L3MBTL4: variants seen among roughly 807,000 people sequenced by gnomAD.
The protein encoded by L3MBTL4 is L3MBTL histone methyl-lysine binding protein 4.
In L3MBTL4, 70 loss-of-function variants were observed where a neutral mutation model predicts 84.5. The observed-to-expected ratio is 0.83, with a 90% CI of 0.68 to 1.01. The LOEUF is 1.01. L3MBTL4 is among the 50% of genes least tolerant of loss of function. The probability of loss-of-function intolerance (pLI) is 0.00; values close to 1 mark genes in which losing one functional copy is unlikely to be tolerated. For synonymous variants in L3MBTL4, 274 were observed against 259.8 expected (o/e 1.05, Z -0.52); for missense variants, 715 against 754.8 (o/e 0.95, Z 0.62).
At chr18:5,957,442 C>A (rs750618277) in intron 18 of L3MBTL4, among the ~76,000 whole-genome samples, 1 of 152,010 alleles carries the variant, frequency 6.6e-6, no homozygotes, top group African/African-American at 2.4e-5. Context: ...CCGAGACTCA[C>A]AGGATGGCAG....
intron 1 of L3MBTL4, among the ~76,000 whole-genome samples, chr18:6,338,152 AAAG>A (rs1169427014): frequency 6.6e-6 from 1 of 152,062 alleles, no homozygotes; most frequent in East Asian, 1.9e-4. Flanking sequence ...AACCATACTA[AAAG>A]AAGAAGAAAA....
chr18:6,046,390 T>C (rs1017016343), intron 16 of L3MBTL4, among the ~76,000 whole-genome samples: 1 of 152,216 alleles, frequency 6.6e-6, no homozygotes, highest in East Asian at 1.9e-4. Context: ...TTGAATTTGA[T>C]AGTTGACCAA....
At chr18:6,032,735 G>A (rs73376094) in intron 16 of L3MBTL4, among the ~76,000 whole-genome samples, 291 of 152,128 alleles carry the variant, frequency 1.9e-3, no homozygotes, top group African/African-American at 6.7e-3. Flanking sequence ...GCCCTGGCAA[G>A]CCCCACTCTA....
intron 4 of L3MBTL4, among the ~76,000 whole-genome samples, chr18:6,267,971 T>C (rs343254): frequency 0.12 from 18,931 of 152,152 alleles, 3,853 homozygotes; most frequent in African/African-American, 0.42. Context: ...CATGTTGTTT[T>C]ATTTTTCACA....
chr18:6,231,297 G>C (rs1387417497), intron 10 of L3MBTL4, among the ~76,000 whole-genome samples: 1 of 152,062 alleles, frequency 6.6e-6, no homozygotes, highest in Non-Finnish European at 1.5e-5. Context: ...TCTGTATATG[G>C]CTAGCCATCT....
chr18:6,040,554 A>C (rs2056354969), intron 16 of L3MBTL4, among the ~76,000 whole-genome samples: 1 of 152,236 alleles, frequency 6.6e-6, no homozygotes, highest in African/African-American at 2.4e-5. Context: ...CTGTATATAC[A>C]AAGATAAATA....
At chr18:6,395,391 G>A (rs1388992509) in intron 1 of L3MBTL4, 3 of 152,050 alleles carry the variant, frequency 2.0e-5, no homozygotes, top group African/African-American at 7.2e-5. Context: ...TTCACGAAAT[G>A]TTCTGGCTTC....
At chr18:6,041,673 A>C (rs1381727961) in intron 16 of L3MBTL4, among the ~76,000 whole-genome samples, 1 of 151,892 alleles carries the variant, frequency 6.6e-6, no homozygotes, top group African/African-American at 2.4e-5. Context: ...GCCACACTAT[A>C]TACCCTTGCT....
intron 1 of L3MBTL4, among the ~76,000 whole-genome samples, chr18:6,391,752 A>AACAACAACAACTACTACTACT (rs1555755552): frequency 6.7e-6 from 1 of 150,006 alleles, no homozygotes; most frequent in African/African-American, 2.5e-5. Context: ...CAACAACAAC[A>AACAACAACAACTACTACTACT]ACTACTACTA....
chr18:6,398,276 T>C (rs184358332), intron 1 of L3MBTL4, among the ~76,000 whole-genome samples: 13 of 152,276 alleles, frequency 8.5e-5, no homozygotes, highest in African/African-American at 2.6e-4. Context: ...CTTCAGATAC[T>C]GAGTGTTAAG....
chr18:6,210,232 G>C (rs546045196), intron 12 of L3MBTL4, among the ~76,000 whole-genome samples: 1 of 152,164 alleles, frequency 6.6e-6, no homozygotes, highest in Non-Finnish European at 1.5e-5. Context: ...GTCTTTAGTG[G>C]ATCTGCTGCG....
chr18:6,003,386 G>A (rs2054317466), intron 16 of L3MBTL4, among the ~76,000 whole-genome samples: 1 of 151,438 alleles, frequency 6.6e-6, no homozygotes, highest in Admixed American at 6.6e-5. Flanking sequence ...ATCTAATAAA[G>A]GACTCTCAGA....
chr18:6,164,611 C>A (rs908268110), intron 13 of L3MBTL4, among the ~76,000 whole-genome samples: 1 of 152,190 alleles, frequency 6.6e-6, no homozygotes, highest in Non-Finnish European at 1.5e-5. Flanking sequence ...AGACTTGCAG[C>A]TGAGGGTCCT....
At chr18:6,028,375 G>T (rs1371383076) in intron 16 of L3MBTL4, among the ~76,000 whole-genome samples, 1 of 152,108 alleles carries the variant, frequency 6.6e-6, no homozygotes, top group African/African-American at 2.4e-5. Flanking sequence ...TGAGGTCTCT[G>T]CTCTGTTCCA....
chr18:6,249,377 T>A (rs1468280886), intron 5 of L3MBTL4, among the ~76,000 whole-genome samples: 1 of 152,212 alleles, frequency 6.6e-6, no homozygotes, highest in African/African-American at 2.4e-5. Context: ...TTGAGCAAAC[T>A]ATACTGTCTT....
intron 5 of L3MBTL4, among the ~76,000 whole-genome samples, chr18:6,246,614 T>C (rs1352358850): frequency 6.6e-6 from 1 of 152,156 alleles, no homozygotes; most frequent in Non-Finnish European, 1.5e-5. Context: ...TTTCAAAAAT[T>C]ATTCCAGGGG....
chr18:6,052,492 C>T (rs2056874628), intron 16 of L3MBTL4, among the ~76,000 whole-genome samples: 1 of 152,226 alleles, frequency 6.6e-6, no homozygotes, highest in Non-Finnish European at 1.5e-5. Flanking sequence ...TCAGTACTTA[C>T]TCCCTGCCAG....
intron 16 of L3MBTL4, among the ~76,000 whole-genome samples, chr18:6,051,739 G>A (rs2056849325): frequency 6.6e-6 from 1 of 152,188 alleles, no homozygotes; most frequent in African/African-American, 2.4e-5. Context: ...GTCTGAGGAG[G>A]TGGTGCCTGT....
chr18:6,411,272 T>TA (rs2055952992), intron 1 of L3MBTL4, among the ~76,000 whole-genome samples: 1 of 101,060 alleles, frequency 9.9e-6, no homozygotes, highest in Non-Finnish European at 2.2e-5. Context: ...GTGCATTTTT[T>TA]TATGGACCTA....
Sources: gnomAD v4.1 joint callset for allele counts (sites outside exome capture counted in the v4.1 genomes callset) on GRCh38, gnomAD v4.1.1 for gene constraint, MANE v1.5 for transcripts, NCBI Gene and HGNC (gene_info 2026-07-23, HGNC 2026-07-21) for gene names.